Variants in NDUFA10 observed in about 807,000 individuals in gnomAD.
NDUFA10 encodes NADH:ubiquinone oxidoreductase subunit A10.
In NDUFA10, 40 loss-of-function variants were observed where a neutral mutation model predicts 47.8. That is an observed-to-expected ratio of 0.84 (90% confidence interval 0.65 to 1.09). The LOEUF (loss-of-function observed/expected upper bound fraction) is 1.09. NDUFA10 is among the 50% of genes least tolerant of loss of function. The probability of loss-of-function intolerance (pLI) is 0.00; values close to 1 mark genes in which losing one functional copy is unlikely to be tolerated. For synonymous variants in NDUFA10, 183 were observed against 172.2 expected (o/e 1.06, Z -0.49); for missense variants, 413 against 451.1 (o/e 0.92, Z 0.76).
rs59356951 is a variant in NDUFA10, at chr2:239,962,210, T to TACACACACACACAC, written c.1000-1038_1000-1025dup. ...AGCATGGGCACACAGTCAATTTGTGTACACACACACACACACACACACACA... is the reference window on the plus strand; with the variant it reads ...AGCATGGGCACACAGTCAATTTGTGTACACACACACACACACACACACACACACACACACACACA... On this transcript the variant is annotated intron_variant, in intron 9 of 9. Transcript: ENST00000252711. Among the ~76,000 whole-genome samples, 497 of 149,648 alleles carry TACACACACACACAC rather than the reference T, an allele frequency of 3.3e-3. 4 individuals are homozygous for TACACACACACACAC. Among genetic ancestry groups the TACACACACACACAC allele is most frequent in the African/African-American group, 0.012 (474 of 40,782 alleles).
chr2:239,943,719 C>T (rs140453788), intron 4 of NDUFA10, among the ~76,000 whole-genome samples: 219 of 152,246 alleles, frequency 1.4e-3, no homozygotes, highest in African/African-American at 3.9e-3. Flanking sequence ...CAGCACCGAC[C>T]GCCCCTCCTG....
At chr2:239,921,827 G>C (rs1309689492) in intron 4 of NDUFA10, among the ~76,000 whole-genome samples, 1 of 152,076 alleles carries the variant, frequency 6.6e-6, no homozygotes, top group African/African-American at 2.4e-5. Context: ...GCAGGGTGGG[G>C]ACGGGACACT....
rs370626145 is a variant in NDUFA10, at chr2:239,929,841, G to C, written c.295-34527C>G. 1.1e-4 allele frequency among the ~76,000 whole-genome samples: 17 copies of C among 149,380 alleles called. No homozygotes were observed. In the East Asian group the frequency reaches 3.2e-3, roughly 28 times the overall value. ...CTGCTCTTGCTCCTCCGCCGGCCCT[G>C]CTCTCCCACTGCCCCTGCTCCTCAG... On this transcript the variant is annotated intron_variant, in intron 4 of 5. Coordinates refer to the NDUFA10 transcript ENST00000419408.
rs1211319616 is a variant in NDUFA10, at chr2:240,012,520, GCCTGCGGTTTCAA to G, written c.670-837_670-825del. 4 of 152,222 alleles carry G rather than the reference GCCTGCGGTTTCAA, an allele frequency of 2.6e-5. No individual in the cohort carries two copies. In the East Asian group the frequency reaches 7.7e-4, roughly 29 times the overall value. 9.4% of individuals were successfully genotyped at this position (152,222 alleles called of 1,614,324 possible). On this transcript the variant is annotated intron_variant, in intron 5 of 9. Transcript: ENST00000252711. ...GAGGAAGGAAGAAAGAAATGAATAG[GCCTGCGGTTTCAA>G]CCTACAAAATGATGAAAACATTCTA...
chr2:239,992,783 A>G (rs1169055041), intron 8 of NDUFA10, among the ~76,000 whole-genome samples: 6 of 152,204 alleles, frequency 3.9e-5, no homozygotes, highest in Admixed American at 3.3e-4. Context: ...ACTGCCTCTC[A>G]GCACAAGCAT....
chr2:239,999,847 A>G (rs931954470), intron 8 of NDUFA10, among the ~76,000 whole-genome samples: 2 of 152,234 alleles, frequency 1.3e-5, no homozygotes, highest in African/African-American at 2.4e-5. Context: ...TGTTGTTTGT[A>G]CCATGTGACA....
intron 4 of NDUFA10, among the ~76,000 whole-genome samples, chr2:239,938,062 C>T (rs975061295): frequency 2.0e-5 from 3 of 152,130 alleles, no homozygotes; most frequent in African/African-American, 4.8e-5. Flanking sequence ...GCATCCCTGA[C>T]GCCAGGACAG....
At position 239,898,970 on chromosome 2, in the gene NDUFA10, A is replaced by G. The variant is rs77060720; in HGVS notation, c.295-3656T>C. ...GTGTGGAGGGGTGTGGCAGGGTGTGATGAAGAGGTATGATGGAGAGGTGTG... is the reference window on the plus strand; with the variant it reads ...GTGTGGAGGGGTGTGGCAGGGTGTGGTGAAGAGGTATGATGGAGAGGTGTG... On this transcript the variant is annotated intron_variant, in intron 4 of 5. Coordinates refer to the NDUFA10 transcript ENST00000419408. Among the ~76,000 whole-genome samples, 9 of 87,638 alleles carry G rather than the reference A, an allele frequency of 1.0e-4. No individual in the cohort carries two copies. In the East Asian group the frequency reaches 2.3e-3, roughly 22 times the overall value. The allele number at this position is 87,638 out of a possible 152,430, so 57.5% of individuals were successfully genotyped here. A position where few individuals can be genotyped will look rare whatever the true frequency, so the allele number is the denominator to read the frequency against.
intron 7 of NDUFA10, 111 bp downstream of exon 7, chr2:240,007,205 C>CAGTG: frequency 2.4e-6 from 2 of 821,374 alleles, no homozygotes; most frequent in Non-Finnish European, 4.1e-6. Flanking sequence ...GGTGATAAAA[C>CAGTG]AGTGATGTTT....
intron 4 of NDUFA10, chr2:239,943,024 C>G (rs188625223): frequency 7.1e-5 from 11 of 154,408 alleles, no homozygotes; most frequent in Admixed American, 3.9e-4. Flanking sequence ...TGTGAAATGG[C>G]CCAGACCAGA....
At chr2:239,976,664 G>A (rs1041830668) in intron 9 of NDUFA10, 1 of 152,270 alleles carries the variant, frequency 6.6e-6, no homozygotes, top group African/African-American at 2.4e-5. Flanking sequence ...GGGGCCAGAC[G>A]AATGCACAGG....
At chr2:239,995,727 C>T (rs1199563506) in intron 8 of NDUFA10, among the ~76,000 whole-genome samples, 6 of 151,992 alleles carry the variant, frequency 3.9e-5, no homozygotes, top group Admixed American at 2.0e-4. Flanking sequence ...ACTAAAGACT[C>T]GAGATAGAAG....
chr2:240,017,520 C>A (rs1337184030), intron 4 of NDUFA10, among the ~76,000 whole-genome samples: 1 of 152,180 alleles, frequency 6.6e-6, no homozygotes, highest in Admixed American at 6.5e-5. Flanking sequence ...CACTTTATTA[C>A]AATGAACCAT....
intron 8 of NDUFA10, 26 bp downstream of exon 8, chr2:240,005,184 A>T (rs1456587870): frequency 6.3e-7 from 1 of 1,591,570 alleles, no homozygotes; most frequent in Non-Finnish European, 8.6e-7. Flanking sequence ...CCAGACATGC[A>T]GCAGCCCCCA....
intron 4 of NDUFA10, among the ~76,000 whole-genome samples, chr2:239,939,347 C>T (rs914776704): frequency 2.6e-5 from 4 of 152,138 alleles, no homozygotes; most frequent in South Asian, 2.1e-4. Context: ...GTGGGGAGGG[C>T]GAGTGGAACT....
At chr2:239,930,833 AGGGTCCTGGT>A (rs1694158688) in intron 4 of NDUFA10, among the ~76,000 whole-genome samples, 2 of 136,066 alleles carry the variant, frequency 1.5e-5, no homozygotes, top group Non-Finnish European at 3.2e-5. Flanking sequence ...AGGAGGCCGC[AGGGTCCTGGT>A]GGACGGGTAC....
At position 240,019,977 on chromosome 2, in the gene NDUFA10, C is replaced by T. The variant is rs12464333; in HGVS notation, c.460+1220G>A. 2.1e-3 allele frequency among the ~76,000 whole-genome samples: 319 copies of T among 152,252 alleles called. 1 individual carries two copies. The highest frequency in any genetic ancestry group is 6.8e-3 in the African/African-American group (284 of 41,538). On this transcript the variant is annotated intron_variant, in intron 3 of 9. Transcript: ENST00000252711. ...ATTGTTTTCTTAGGAGTAACACTAA[C>T]CAAGATCAGGGTTTACGTTCATATA...
chr2:239,998,711 C>T (rs932960882), intron 8 of NDUFA10, among the ~76,000 whole-genome samples: 2 of 152,164 alleles, frequency 1.3e-5, no homozygotes, highest in Admixed American at 6.5e-5. Flanking sequence ...GTAAAAATTA[C>T]GGGCAGTGAG....
At chr2:240,000,128 TA>T (rs1422033800) in intron 8 of NDUFA10, among the ~76,000 whole-genome samples, 1 of 152,250 alleles carries the variant, frequency 6.6e-6, no homozygotes, top group Non-Finnish European at 1.5e-5. Context: ...GTTACTGCTT[TA>T]GGTTATTTAC....
Sources: gnomAD v4.1 joint callset for allele counts (sites outside exome capture counted in the v4.1 genomes callset) on GRCh38, gnomAD v4.1.1 for gene constraint, MANE v1.5 for transcripts, NCBI Gene and HGNC (gene_info 2026-07-23, HGNC 2026-07-21) for gene names.